Variants in DLG2 observed in about 807,000 individuals in gnomAD.
DLG2 encodes discs large MAGUK scaffold protein 2, also known as disks large homolog 2.
In DLG2, 45 loss-of-function variants were observed where a neutral mutation model predicts 132.5. The observed-to-expected ratio is 0.34, with a 90% CI of 0.27 to 0.44. The LOEUF (loss-of-function observed/expected upper bound fraction) is 0.44, where lower values mean the gene tolerates loss of function less well. Among genes scored for constraint, DLG2 ranks in the 20% least tolerant of loss-of-function variants. The pLI, the probability that DLG2 is intolerant of heterozygous loss-of-function variation, is 1.00. For missense variants in DLG2, 1,045 were observed against 1,196.9 expected, an observed-to-expected ratio of 0.87 and a Z score of 1.87; for synonymous variants, 424 against 419.6, an observed-to-expected ratio of 1.01 and a Z score of -0.13.
At chr11:83,885,358 T>A (rs1373364342) in intron 15 of DLG2, among the ~76,000 whole-genome samples, 3 of 151,772 alleles carry the variant, frequency 2.0e-5, no homozygotes, top group Non-Finnish European at 2.9e-5. Flanking sequence ...TGATGGAAGA[T>A]GAAATGAATG....
chr11:84,913,911 G>A (rs1321676542), intron 6 of DLG2, among the ~76,000 whole-genome samples: 6 of 152,084 alleles, frequency 3.9e-5, no homozygotes, highest in Non-Finnish European at 7.4e-5. Flanking sequence ...AAATGCAAAG[G>A]GCTCTTTTAT....
At chr11:85,357,621 C>CA (rs1312273767) in intron 3 of DLG2, among the ~76,000 whole-genome samples, 1 of 141,446 alleles carries the variant, frequency 7.1e-6, no homozygotes, top group East Asian at 2.1e-4. Flanking sequence ...ATTTATTATT[C>CA]AGCCAAAGGT....
chr11:85,250,258 G>A (rs1482393891), intron 4 of DLG2, among the ~76,000 whole-genome samples: 1 of 152,108 alleles, frequency 6.6e-6, no homozygotes, highest in African/African-American at 2.4e-5. Flanking sequence ...TAACTAAGGT[G>A]TACCAAATAA....
Position 84,185,666 on chromosome 11 carries a change from G to T in DLG2, c.574-22155C>A, listed in dbSNP as rs191896508. On this transcript the variant is annotated intron_variant, in intron 8 of 27. Transcript: ENST00000376104. ...TCTTGTGCCAGTTTTCGAAGGGAAT[G>T]CTTCCAGTTTTTGCCCATTCAGTAT... Among the ~76,000 whole-genome samples the T allele has an allele frequency of 4.9e-3, 751 of 152,276 alleles. 1 individual carries two copies. The highest frequency in any genetic ancestry group is 8.4e-3 in the Admixed American group (129 of 15,296).
At chr11:84,375,445 T>C (rs989810518) in intron 7 of DLG2, among the ~76,000 whole-genome samples, 1 of 152,174 alleles carries the variant, frequency 6.6e-6, no homozygotes, top group Non-Finnish European at 1.5e-5. Flanking sequence ...ACCATGTTAA[T>C]GTCATTTTAT....
intron 19 of DLG2, among the ~76,000 whole-genome samples, chr11:83,592,218 C>G (rs989432187): frequency 6.6e-6 from 1 of 151,144 alleles, no homozygotes; most frequent in Admixed American, 6.6e-5. Context: ...AAGCTGGAGG[C>G]ATCACACTAC....
At position 85,094,915 on chromosome 11, in the gene DLG2, T is replaced by C. The variant is rs138449114; in HGVS notation, c.357+16746A>G. On this transcript the variant is annotated intron_variant, in intron 6 of 27. Transcript: ENST00000376104. ...AAGTTTAATCATTTCTAGCTTTTGATTGAAAGTGAGAGAAGTGTGACTCTT... is the reference window on the plus strand; with the variant it reads ...AAGTTTAATCATTTCTAGCTTTTGACTGAAAGTGAGAGAAGTGTGACTCTT... 7.9e-5 allele frequency among the ~76,000 whole-genome samples: 12 copies of C among 152,314 alleles called. 1 individual carries two copies. In the East Asian group the frequency reaches 2.3e-3, roughly 29 times the overall value.
chr11:84,099,857 AGATATATATATCTAAAGC>A (rs1248691177), intron 9 of DLG2, among the ~76,000 whole-genome samples: 461 of 8,960 alleles, frequency 0.051, 149 homozygotes, highest in Middle Eastern at 0.5. Context: ...ATATCTAAAG[AGATATATATATCTAAAGC>A]GATATATATA....
intron 6 of DLG2, among the ~76,000 whole-genome samples, chr11:85,070,997 C>T (rs630948): frequency 0.7 from 106,491 of 151,706 alleles, 38,550 homozygotes; most frequent in East Asian, 0.93. Flanking sequence ...AATCCAAGCA[C>T]AACTGATTTT....
chr11:84,883,494 G>A (rs1283395437), intron 6 of DLG2, among the ~76,000 whole-genome samples: 2 of 151,312 alleles, frequency 1.3e-5, no homozygotes, highest in Non-Finnish European at 2.9e-5. Context: ...ACATCTACAT[G>A]TTGAATAATT....
chr11:84,448,678 C>T (rs531571810), intron 7 of DLG2, among the ~76,000 whole-genome samples: 1 of 152,160 alleles, frequency 6.6e-6, no homozygotes, highest in South Asian at 2.1e-4. Context: ...GAGCCAGTAA[C>T]TCTCTTCTAT....
chr11:84,984,937 A>G (rs2056284292), intron 6 of DLG2, among the ~76,000 whole-genome samples: 1 of 152,180 alleles, frequency 6.6e-6, no homozygotes, highest in Non-Finnish European at 1.5e-5. Context: ...GGAAAATATC[A>G]CACTCCTAAA....
At chr11:84,545,105 C>G (rs546583049) in intron 6 of DLG2, 5 of 452,186 alleles carry the variant, frequency 1.1e-5, no homozygotes, top group African/African-American at 8.0e-5. Context: ...CTCTCTCTCA[C>G]GCTAAGCTTT....
intron 7 of DLG2, among the ~76,000 whole-genome samples, chr11:84,377,989 GA>G (rs1485134963): frequency 6.6e-6 from 1 of 152,144 alleles, no homozygotes; most frequent in African/African-American, 2.4e-5. Flanking sequence ...ACAGAGAGCT[GA>G]AAGCCCAAAT....
intron 5 of DLG2, among the ~76,000 whole-genome samples, chr11:85,114,166 T>C (rs904322932): frequency 6.6e-6 from 1 of 152,010 alleles, no homozygotes; most frequent in African/African-American, 2.4e-5. Flanking sequence ...GAAGTCTTCA[T>C]TCTCCTTCTT....
intron 6 of DLG2, among the ~76,000 whole-genome samples, chr11:84,732,650 T>A (rs568495864): frequency 6.6e-6 from 1 of 151,618 alleles, no homozygotes; most frequent in Admixed American, 6.6e-5. Context: ...TATATAAATA[T>A]ATATTTATTA....
intron 3 of DLG2, among the ~76,000 whole-genome samples, chr11:85,416,319 G>A (rs1426388527): frequency 6.6e-6 from 1 of 152,146 alleles, no homozygotes; most frequent in East Asian, 1.9e-4. Context: ...TTTGGTACCA[G>A]TACCATGCTG....
chr11:84,807,867 T>C (rs118177953), intron 6 of DLG2, among the ~76,000 whole-genome samples: 114 of 152,122 alleles, frequency 7.5e-4, no homozygotes, highest in Non-Finnish European at 1.4e-3. Context: ...GCAATAGAAC[T>C]AAAAGGACAA....
chr11:85,004,245 T>C (rs1397951574), intron 6 of DLG2, among the ~76,000 whole-genome samples: 6 of 152,212 alleles, frequency 3.9e-5, no homozygotes, highest in African/African-American at 1.4e-4. Context: ...AGTAATGGGA[T>C]TGCTGAGGCA....
Sources: allele counts gnomAD v4.1 joint callset (sites outside exome capture counted in the v4.1 genomes callset), GRCh38; gene constraint gnomAD v4.1.1; transcripts MANE v1.5; gene names NCBI Gene and HGNC (gene_info 2026-07-23, HGNC 2026-07-21).